ING3: variants seen among roughly 807,000 people sequenced by gnomAD.
The protein encoded by ING3 is inhibitor of growth protein 3.
Under a neutral mutation model 64.8 loss-of-function variants are expected in ING3, and 6 were observed. That is an observed-to-expected ratio of 0.09 (90% CI 0.05 to 0.18). The LOEUF (loss-of-function observed/expected upper bound fraction) is 0.18, where lower values mean the gene tolerates loss of function less well. Ranked by LOEUF, ING3 falls within the 10% of genes least tolerant of loss-of-function variation. The probability of loss-of-function intolerance (pLI) is 1.00; values close to 1 mark genes in which losing one functional copy is unlikely to be tolerated. For synonymous variants in ING3, 170 were observed against 173.7 expected, an observed-to-expected ratio of 0.98 and a Z score of 0.17; for missense variants, 310 against 489.7, an observed-to-expected ratio of 0.63 and a Z score of 3.46.
Position 120,966,706 on chromosome 7 carries a change from G to A in ING3, c.436+9G>A, listed in dbSNP as rs1562976062. 2 of 1,602,032 alleles carry A rather than the reference G, an allele frequency of 1.2e-6. No homozygotes were observed. The highest frequency in any genetic ancestry group is 3.3e-5 in the Admixed American group (2 of 59,994). On this transcript the variant is annotated intron_variant, in intron 6 of 11. Coordinates refer to ENST00000315870, the MANE Select transcript of ING3 (RefSeq NM_019071.3). ...ACATACTCCAGTGGAAAGTAAGTTT[G>A]GTGTAGTGCAGCTAAGTTTTAAAAA...
rs1309489518 is a variant in ING3, at chr7:120,956,005, C to T, written c.267+381C>T. On this transcript the variant is annotated intron_variant, in intron 4 of 11. Coordinates refer to ENST00000315870, the MANE Select transcript of ING3 (RefSeq NM_019071.3). Reference sequence around the variant, plus strand: ...TGGTAAAATACACCTAAGAAGACTGCTTTGACAAGAGTTCTTGGTAGTCTG... The same window carrying T: ...TGGTAAAATACACCTAAGAAGACTGTTTTGACAAGAGTTCTTGGTAGTCTG... 7.9e-6 allele frequency: 5 copies of T among 630,430 alleles called. No individual in the cohort carries two copies. The East Asian group carries it at 1.4e-4, about 18-fold the overall frequency. The allele number at this position is 630,430 out of a possible 1,614,324, so 39.1% of individuals were successfully genotyped here.
rs1374687135 is a variant in ING3, at chr7:120,977,063, G to A, written c.*2219G>A. ...AAAATACACATTCAAAATCTCTGTT[G>A]TACAAAACTCATGTAACAGTTGGGA... is the stretch of plus-strand genomic sequence containing the variant. On this transcript the variant is annotated 3_prime_UTR_variant, in exon 12 of 12. Transcript: ENST00000315870. 6.6e-6 allele frequency: 1 copy of A among 152,144 alleles called. No individual in the cohort carries two copies. The highest frequency in any genetic ancestry group is 2.4e-5 in the African/African-American group (1 of 41,444). 9.4% of individuals were successfully genotyped at this position (152,144 alleles called of 1,614,324 possible).
At chr7:120,964,579 C>G (rs893250488) in intron 4 of ING3, among the ~76,000 whole-genome samples, 163 bp from the exon 5 acceptor site, 1 of 152,120 alleles carries the variant, frequency 6.6e-6, no homozygotes, top group African/African-American at 2.4e-5. Flanking sequence ...GCCTAACACC[C>G]TCATTTTATA....
At chr7:120,965,427 G>A (rs543004019) in intron 5 of ING3, among the ~76,000 whole-genome samples, 190 of 152,156 alleles carry the variant, frequency 1.2e-3, no homozygotes, top group Non-Finnish European at 2.1e-3. Context: ...CCCAAAAATG[G>A]AAGCATGAGC....
At chr7:120,957,052 G>C (rs541199730) in intron 4 of ING3, 16 of 216,874 alleles carry the variant, frequency 7.4e-5, no homozygotes, top group Non-Finnish European at 1.1e-4. Context: ...AAAGGGAGCT[G>C]TACCTGGGTC....
At chr7:120,954,122 A>C (rs909086034) in intron 3 of ING3, among the ~76,000 whole-genome samples, 1 of 152,084 alleles carries the variant, frequency 6.6e-6, no homozygotes, top group African/African-American at 2.4e-5. Flanking sequence ...TGTTCATAGA[A>C]TTGTTCAAGG....
rs367660853 is a variant in ING3 at position 120,951,252 on chromosome 7, A to T, written c.100+17A>T. ...AGGTGCAGAGTAAGTCGGCGCGTCT[A>T]CTACTCCTGTTCGCTGCGCGCGTTC... On this transcript the variant is annotated intron_variant, in intron 2 of 11. Transcript: ENST00000315870. The T allele has an allele frequency of 1.1e-5, 17 of 1,613,126 alleles. No individual in the cohort carries two copies. Among genetic ancestry groups the T allele is most frequent in the Non-Finnish European group, 1.3e-5 (15 of 1,179,276 alleles).
At chr7:120,958,631 T>A (rs1795885654) in intron 4 of ING3, among the ~76,000 whole-genome samples, 1 of 152,196 alleles carries the variant, frequency 6.6e-6, no homozygotes, top group South Asian at 2.1e-4. Context: ...ACAGGTACCT[T>A]CCACATTGTT....
intron 10 of ING3, 49 bp downstream of exon 10, chr7:120,970,929 G>A: frequency 6.9e-7 from 1 of 1,446,022 alleles, no homozygotes; most frequent in South Asian, 1.2e-5. Flanking sequence ...AAACTAGAAG[G>A]AAGAGAACTA....
chr7:120,964,721 C>T, intron 4 of ING3, 21 bp from the exon 5 acceptor site: 1 of 1,606,676 alleles, frequency 6.2e-7, no homozygotes, highest in Non-Finnish European at 8.5e-7. Context: ...TGGTGGTTAT[C>T]TTTGATCTTC....
chr7:120,973,174 A>C (rs1315892398), intron 10 of ING3, 31 bp from the exon 11 acceptor site: 1 of 1,302,424 alleles, frequency 7.7e-7, no homozygotes, highest in East Asian at 2.3e-5. Context: ...TTACATAGTC[A>C]TAATAAAGAC....
At position 120,976,484 on chromosome 7, in the gene ING3, T is replaced by C. The variant is rs1796136627; in HGVS notation, c.*1640T>C. Reference sequence around the variant, plus strand: ...AGGTTCATTTGTGAGTACTCATCATTTCATAATATCATGATTATCACGATT... The same window carrying C: ...AGGTTCATTTGTGAGTACTCATCATCTCATAATATCATGATTATCACGATT... On this transcript the variant is annotated 3_prime_UTR_variant, in exon 12 of 12. Transcript: ENST00000315870. 6.6e-6 allele frequency: 1 copy of C among 152,180 alleles called. No homozygotes were observed. Among genetic ancestry groups the C allele is most frequent in the Non-Finnish European group, 1.5e-5 (1 of 68,014 alleles). The allele number at this position is 152,180 out of a possible 1,614,324, so 9.4% of individuals were successfully genotyped here. A position where few individuals can be genotyped will look rare whatever the true frequency, so the allele number is the denominator to read the frequency against.
At chr7:120,951,285 G>T (rs371143231) in intron 2 of ING3, 50 bp downstream of exon 2, 129 of 1,550,148 alleles carry the variant, frequency 8.3e-5, no homozygotes, top group Non-Finnish European at 9.6e-5. Context: ...TTCAGTGCCA[G>T]ACTTGCTTGT....
chr7:120,951,894 C>T (rs1418048602), intron 2 of ING3, among the ~76,000 whole-genome samples: 1 of 152,076 alleles, frequency 6.6e-6, no homozygotes, highest in Non-Finnish European at 1.5e-5. Context: ...GACTTTTTCC[C>T]CAAATTAACT....
chr7:120,968,953 G>GA, intron 8 of ING3, 58 bp from the exon 9 acceptor site: 1 of 1,091,550 alleles, frequency 9.2e-7, no homozygotes, highest in Non-Finnish European at 1.3e-6. Flanking sequence ...TGTAAAACTT[G>GA]AAAAAGAAAA....
intron 3 of ING3, among the ~76,000 whole-genome samples, chr7:120,954,789 A>T (rs954587154): frequency 6.6e-6 from 1 of 152,206 alleles, no homozygotes; most frequent in Non-Finnish European, 1.5e-5. Context: ...AATCTAAAAT[A>T]CAGATTGAGT....
chr7:120,964,648 A>T, intron 4 of ING3, 94 bp from the exon 5 acceptor site: 1 of 872,978 alleles, frequency 1.1e-6, no homozygotes, highest in South Asian at 1.4e-5. Context: ...AAGCAGATTC[A>T]CTAAAAGAAA....
intron 4 of ING3, among the ~76,000 whole-genome samples, chr7:120,958,243 C>G (rs1232310363): frequency 6.6e-6 from 1 of 150,740 alleles, no homozygotes; most frequent in Non-Finnish European, 1.5e-5. Context: ...CCCTGCCTTT[C>G]TTTTTAAATA....
At chr7:120,964,677 C>T in intron 4 of ING3, 65 bp from the exon 5 acceptor site, 1 of 1,285,734 alleles carries the variant, frequency 7.8e-7, no homozygotes, top group Non-Finnish European at 1.1e-6. Context: ...TAGGTTTCCT[C>T]ATTAAGCTGA....
Sources: gnomAD v4.1 joint callset for allele counts (sites outside exome capture counted in the v4.1 genomes callset) on GRCh38, gnomAD v4.1.1 for gene constraint, MANE v1.5 for transcripts, NCBI Gene and HGNC (gene_info 2026-07-23, HGNC 2026-07-21) for gene names.